Variants in PKHD1L1 observed in about 807,000 individuals in gnomAD.
PKHD1L1 encodes the protein PKHD1 like 1, also known as fibrocystin-L.
PKHD1L1 carries 434 observed loss-of-function variants against 462.9 expected under a neutral mutation model. That is an observed-to-expected ratio of 0.94 (90% CI 0.87 to 1.02). The LOEUF (loss-of-function observed/expected upper bound fraction) is 1.02. PKHD1L1 is among the 50% of genes least tolerant of loss of function. The pLI is 0.00. For missense variants in PKHD1L1, 5,202 were observed against 5,096.1 expected (o/e 1.02, Z -0.63); for synonymous variants, 1,781 against 1,750.0 (o/e 1.02, Z -0.44).
chr8:109,486,416 A>T (rs974752857), intron 58 of PKHD1L1, among the ~76,000 whole-genome samples: 9 of 152,000 alleles, frequency 5.9e-5, no homozygotes, highest in African/African-American at 2.2e-4. Context: ...GCTGATTATA[A>T]TAATCATTTT....
At chr8:109,378,873 T>C (rs1045414783) in intron 2 of PKHD1L1, among the ~76,000 whole-genome samples, 3 of 152,170 alleles carry the variant, frequency 2.0e-5, no homozygotes, top group East Asian at 3.9e-4. Context: ...AAGGGACTCA[T>C]AATAGTGAGC....
At chr8:109,420,141 A>G (rs950906467) in intron 22 of PKHD1L1, among the ~76,000 whole-genome samples, 1 of 152,218 alleles carries the variant, frequency 6.6e-6, no homozygotes, top group Non-Finnish European at 1.5e-5. Flanking sequence ...GCCCTCATGA[A>G]GCACACATCC....
chr8:109,458,836 AAAT>A (rs1178933132), intron 46 of PKHD1L1, among the ~76,000 whole-genome samples: 11 of 152,144 alleles, frequency 7.2e-5, no homozygotes, highest in Admixed American at 3.3e-4. Flanking sequence ...TGTCTCCTTA[AAAT>A]CAGGGAAACT....
intron 50 of PKHD1L1, among the ~76,000 whole-genome samples, chr8:109,472,304 A>T (rs575218229): frequency 6.6e-5 from 10 of 152,308 alleles, no homozygotes; most frequent in Admixed American, 6.5e-4. Context: ...AAGCACTAAT[A>T]TTCAAACATC....
At chr8:109,410,600 A>G (rs868697344) in intron 19 of PKHD1L1, among the ~76,000 whole-genome samples, 4 of 152,000 alleles carry the variant, frequency 2.6e-5, no homozygotes, top group Admixed American at 1.3e-4. Flanking sequence ...CCCGTGATCA[A>G]ATCACCTACC....
intron 2 of PKHD1L1, among the ~76,000 whole-genome samples, chr8:109,381,120 A>G (rs1028362483): frequency 2.0e-5 from 3 of 152,190 alleles, no homozygotes; most frequent in African/African-American, 7.2e-5. Context: ...GGATGGTGGA[A>G]CAAATCCCCA....
chr8:109,381,258 T>C (rs921265617), intron 2 of PKHD1L1, 112 bp from the exon 3 acceptor site: 2 of 922,794 alleles, frequency 2.2e-6, no homozygotes, highest in African/African-American at 3.4e-5. Context: ...GGTTCACTGC[T>C]TCAGTAATGT....
chr8:109,515,353 A>G, intron 72 of PKHD1L1, 48 bp downstream of exon 72: 1 of 1,317,154 alleles, frequency 7.6e-7, no homozygotes, highest in East Asian at 2.8e-5. Context: ...GTACTTATTT[A>G]TAATATTTTA....
chr8:109,494,236 C>G (rs1818976683), intron 63 of PKHD1L1, among the ~76,000 whole-genome samples: 1 of 151,932 alleles, frequency 6.6e-6, no homozygotes, highest in Non-Finnish European at 1.5e-5. Flanking sequence ...GGTAACTGAG[C>G]ATCTACTCTT....
intron 47 of PKHD1L1, among the ~76,000 whole-genome samples, chr8:109,460,686 A>G (rs1192675179): frequency 2.0e-5 from 3 of 152,196 alleles, no homozygotes. Flanking sequence ...GCCTCAGTTA[A>G]GAAACACTGG....
chr8:109,481,096 G>A (rs1399253822), intron 55 of PKHD1L1, among the ~76,000 whole-genome samples: 1 of 151,886 alleles, frequency 6.6e-6, no homozygotes, highest in Non-Finnish European at 1.5e-5. Context: ...AAATTGCATA[G>A]CTTGGGTGTA....
rs1819599992 is a variant in PKHD1L1, at chr8:109,504,597, T to A, written c.10994+105T>A. 2.5e-5 allele frequency: 15 copies of A among 609,898 alleles called. No homozygotes were observed. The South Asian group carries it at 3.9e-4, about 16-fold the overall frequency. 37.8% of individuals were successfully genotyped at this position (609,898 alleles called of 1,614,324 possible). A position where few individuals can be genotyped will look rare whatever the true frequency, so the allele number is the denominator to read the frequency against. On this transcript the variant is annotated intron_variant, in intron 68 of 77. Coordinates refer to ENST00000378402, the MANE Select transcript of PKHD1L1 (RefSeq NM_177531.6). ...TTGGCATATTAAAATAACTGCCAGT[T>A]TTTATGATACTTTAATGAGCATTAT...
intron 68 of PKHD1L1, among the ~76,000 whole-genome samples, chr8:109,505,758 A>G (rs1298811781): frequency 6.6e-6 from 1 of 151,990 alleles, no homozygotes; most frequent in Non-Finnish European, 1.5e-5. Flanking sequence ...AATAAAAATT[A>G]GCTGGGTGTG....
intron 2 of PKHD1L1, among the ~76,000 whole-genome samples, chr8:109,377,872 C>T (rs141042741): frequency 1.3e-5 from 2 of 152,024 alleles, no homozygotes; most frequent in Non-Finnish European, 2.9e-5. Flanking sequence ...ATAAAATATT[C>T]TTATATGGCA....
intron 77 of PKHD1L1, among the ~76,000 whole-genome samples, chr8:109,529,734 C>A (rs1673399): frequency 2.0e-5 from 3 of 151,818 alleles, no homozygotes; most frequent in Non-Finnish European, 2.9e-5. Flanking sequence ...AATTTAAACA[C>A]CATTAATGGA....
chr8:109,434,935 C>A (rs1226975033), intron 28 of PKHD1L1, among the ~76,000 whole-genome samples: 1 of 151,890 alleles, frequency 6.6e-6, no homozygotes, highest in Non-Finnish European at 1.5e-5. Context: ...ACAGTAGCAT[C>A]CGAAGCAGAT....
At chr8:109,375,510 C>G (rs892195799) in intron 2 of PKHD1L1, among the ~76,000 whole-genome samples, 20 of 152,196 alleles carry the variant, frequency 1.3e-4, no homozygotes, top group Non-Finnish European at 2.4e-4. Flanking sequence ...TCGTCAAAGT[C>G]ATTCTCTGTC....
chr8:109,528,013 A>G (rs1820902495), intron 77 of PKHD1L1, among the ~76,000 whole-genome samples: 1 of 152,174 alleles, frequency 6.6e-6, no homozygotes, highest in African/African-American at 2.4e-5. Flanking sequence ...TAGTTTCACT[A>G]AGGATAATAA....
chr8:109,529,653 G>C (rs1820978910), intron 77 of PKHD1L1, among the ~76,000 whole-genome samples: 1 of 151,560 alleles, frequency 6.6e-6, no homozygotes, highest in Admixed American at 6.6e-5. Flanking sequence ...AACTTTTCCA[G>C]ATAAGAAGAT....
Sources: gnomAD v4.1 joint callset for allele counts (sites outside exome capture counted in the v4.1 genomes callset) on GRCh38, gnomAD v4.1.1 for gene constraint, MANE v1.5 for transcripts, NCBI Gene and HGNC (gene_info 2026-07-23, HGNC 2026-07-21) for gene names.